SLC9A9: variants seen among roughly 807,000 people sequenced by gnomAD.
SLC9A9 encodes solute carrier family 9 member A9.
A neutral mutation model predicts 77.8 loss-of-function variants in SLC9A9; 62 were observed. The observed-to-expected ratio is 0.80, with a 90% CI of 0.65 to 0.98. SLC9A9 has a LOEUF of 0.98. Ranked by LOEUF, SLC9A9 falls within the 50% of genes least tolerant of loss-of-function variation. The pLI, the probability that SLC9A9 is intolerant of heterozygous loss-of-function variation, is 0.00. For synonymous variants in SLC9A9, 320 were observed against 283.5 expected, an observed-to-expected ratio of 1.13 and a Z score of -1.29; for missense variants, 775 against 774.9, an observed-to-expected ratio of 1.00 and a Z score of 0.00.
intron 14 of SLC9A9, among the ~76,000 whole-genome samples, chr3:143,317,943 G>A (rs953971226): frequency 9.2e-5 from 14 of 152,134 alleles, no homozygotes; most frequent in Non-Finnish European, 1.8e-4. Context: ...TAGCCAGGAT[G>A]GTCTCGATCT....
chr3:143,445,092 C>T (rs1576501110), intron 12 of SLC9A9, among the ~76,000 whole-genome samples: 1 of 152,264 alleles, frequency 6.6e-6, no homozygotes, highest in East Asian at 1.9e-4. Context: ...CACAGAGGCT[C>T]TCTCCATTAT....
At chr3:143,831,309 C>T (rs545969041) in intron 2 of SLC9A9, among the ~76,000 whole-genome samples, 3 of 152,258 alleles carry the variant, frequency 2.0e-5, no homozygotes, top group African/African-American at 7.2e-5. Flanking sequence ...CCAGGGTTTA[C>T]AAGGCACCAC....
At chr3:143,384,401 A>G (rs1422798690) in intron 12 of SLC9A9, among the ~76,000 whole-genome samples, 2 of 152,138 alleles carry the variant, frequency 1.3e-5, no homozygotes, top group Non-Finnish European at 2.9e-5. Flanking sequence ...GCTGCTGGGC[A>G]CCCAGGTTGG....
intron 12 of SLC9A9, among the ~76,000 whole-genome samples, chr3:143,397,592 A>AC (rs1213465789): frequency 6.6e-6 from 1 of 152,194 alleles, no homozygotes; most frequent in East Asian, 1.9e-4. Context: ...CCAGAAGTGC[A>AC]TCTCCTTCCC....
At chr3:143,666,242 T>C (rs1409490979) in intron 5 of SLC9A9, among the ~76,000 whole-genome samples, 3 of 152,230 alleles carry the variant, frequency 2.0e-5, no homozygotes, top group African/African-American at 4.8e-5. Context: ...ACCACATGAT[T>C]ATCTCAATAG....
intron 6 of SLC9A9, among the ~76,000 whole-genome samples, chr3:143,645,744 T>C (rs965803898): frequency 6.6e-6 from 1 of 152,172 alleles, no homozygotes; most frequent in Admixed American, 6.5e-5. Flanking sequence ...AACAGTCTCA[T>C]TTAAAAAGAC....
chr3:143,684,394 T>A (rs1039533579), intron 5 of SLC9A9, among the ~76,000 whole-genome samples: 11 of 152,070 alleles, frequency 7.2e-5, no homozygotes, highest in African/African-American at 2.7e-4. Context: ...ATGAAAAAAA[T>A]CATGGACTGT....
intron 1 of SLC9A9, among the ~76,000 whole-genome samples, chr3:143,840,190 G>C (rs926177954): frequency 9.2e-5 from 14 of 152,090 alleles, no homozygotes; most frequent in Non-Finnish European, 2.1e-4. Context: ...ACAAGCTGCT[G>C]ATGGTGCTGG....
chr3:143,538,020 T>C (rs1277489253), intron 9 of SLC9A9, among the ~76,000 whole-genome samples: 1 of 152,224 alleles, frequency 6.6e-6, no homozygotes, highest in African/African-American at 2.4e-5. Context: ...ATTCCTTCTT[T>C]TGGGTTGCCT....
At chr3:143,821,976 C>T (rs1331004350) in intron 2 of SLC9A9, among the ~76,000 whole-genome samples, 1 of 152,210 alleles carries the variant, frequency 6.6e-6, no homozygotes, top group Non-Finnish European at 1.5e-5. Flanking sequence ...GTCCTTGCTG[C>T]AGCAAGCGCT....
intron 14 of SLC9A9, among the ~76,000 whole-genome samples, chr3:143,298,733 AAAG>A (rs1468000331): frequency 6.6e-6 from 1 of 152,226 alleles, no homozygotes; most frequent in Non-Finnish European, 1.5e-5. Flanking sequence ...TCCCAAAGAC[AAAG>A]AAGATTATTG....
chr3:143,534,399 A>T lies in SLC9A9; in HGVS notation c.1089+17963T>A, dbSNP rs1407171749. On this transcript the variant is annotated intron_variant, in intron 9 of 15. Coordinates refer to ENST00000316549, the MANE Select transcript of SLC9A9 (RefSeq NM_173653.4). ...GTGAATATTTTATACTGGTTTCCTCAAAATGGCTGCCCAGAAGTCTGACAT... is the reference window on the plus strand; with the variant it reads ...GTGAATATTTTATACTGGTTTCCTCTAAATGGCTGCCCAGAAGTCTGACAT... Among the ~76,000 whole-genome samples the T allele has an allele frequency of 2.6e-5, 4 of 152,238 alleles. No individual in the cohort carries two copies. In the South Asian group the frequency reaches 6.2e-4, roughly 24 times the overall value.
chr3:143,384,100 G>C (rs2033365096), intron 12 of SLC9A9, among the ~76,000 whole-genome samples: 1 of 151,994 alleles, frequency 6.6e-6, no homozygotes, highest in Non-Finnish European at 1.5e-5. Flanking sequence ...AGAAAAACTA[G>C]CTATTTGATT....
rs149546664 is a variant in SLC9A9, at chr3:143,267,966, G to A, written c.1710+909C>T. ...AGGGCTTGTTAAAATACAGATCATC[G>A]TTCAAGCTCAGGGTTTCTGAGGCGG... On this transcript the variant is annotated intron_variant, in intron 15 of 15. Transcript: ENST00000316549. Among the ~76,000 whole-genome samples the A allele has an allele frequency of 2.2e-3, 334 of 152,290 alleles. 3 individuals carry two copies. The highest frequency in any genetic ancestry group is 7.6e-3 in the African/African-American group (315 of 41,556).
intron 4 of SLC9A9, among the ~76,000 whole-genome samples, chr3:143,784,228 A>G (rs746351): frequency 0.57 from 86,278 of 152,082 alleles, 27,487 homozygotes; most frequent in African/African-American, 0.86. Context: ...CCTTTGCTTT[A>G]GTACCATAAA....
intron 12 of SLC9A9, among the ~76,000 whole-genome samples, chr3:143,417,532 A>G (rs73144773): frequency 0.092 from 13,682 of 149,412 alleles, 725 homozygotes; most frequent in East Asian, 0.16. Context: ...GATGGAGGGA[A>G]AAAGGGATGG....
At chr3:143,512,492 TCA>T (rs2036132523) in intron 9 of SLC9A9, among the ~76,000 whole-genome samples, 1 of 152,132 alleles carries the variant, frequency 6.6e-6, no homozygotes, top group Non-Finnish European at 1.5e-5. Flanking sequence ...ATAAAATGAG[TCA>T]CACACAATTT....
At chr3:143,556,811 T>C (rs2036990979) in intron 8 of SLC9A9, among the ~76,000 whole-genome samples, 1 of 152,210 alleles carries the variant, frequency 6.6e-6, no homozygotes, top group Admixed American at 6.5e-5. Flanking sequence ...TTCTAAACTT[T>C]GATAGTTCTT....
At chr3:143,674,498 A>T (rs1324759840) in intron 5 of SLC9A9, among the ~76,000 whole-genome samples, 1 of 152,208 alleles carries the variant, frequency 6.6e-6, no homozygotes, top group Non-Finnish European at 1.5e-5. Flanking sequence ...GAGCAGTGCC[A>T]GCGCCCTGGT....
Sources: allele counts gnomAD v4.1 joint callset (sites outside exome capture counted in the v4.1 genomes callset), GRCh38; gene constraint gnomAD v4.1.1; transcripts MANE v1.5; gene names NCBI Gene and HGNC (gene_info 2026-07-23, HGNC 2026-07-21).